Variants in RIF1 observed in about 807,000 individuals in gnomAD.
RIF1 encodes telomere-associated protein RIF1.
A neutral mutation model predicts 247.1 loss-of-function variants in RIF1; 45 were observed. The ratio of observed to expected loss-of-function variants is 0.18; its 90% CI spans 0.14 to 0.23. The LOEUF (loss-of-function observed/expected upper bound fraction) is 0.23, where lower values mean the gene tolerates loss of function less well. Ranked by LOEUF, RIF1 falls within the 10% of genes least tolerant of loss-of-function variation. The pLI, the probability that RIF1 is intolerant of heterozygous loss-of-function variation, is 1.00. For missense variants in RIF1, 2,967 were observed against 2,862.5 expected, an observed-to-expected ratio of 1.04 and a Z score of -0.83; for synonymous variants, 1,087 against 978.8, an observed-to-expected ratio of 1.11 and a Z score of -2.06.
At chr2:151,508,802 T>G (rs1041578516), downstream of RIF1, among the ~76,000 whole-genome samples, 2 of 152,268 alleles carry the variant, frequency 1.3e-5, no homozygotes, top group Non-Finnish European at 2.9e-5. Context: ...TCCCCTGTCC[T>G]GCCCCAGCCT....
chr2:151,445,419 AT>A lies in RIF1; in HGVS notation c.2074del (p.Ser692GlnfsTer10). 1.3e-6 allele frequency: 2 copies of A among 1,592,218 alleles called. No individual in the cohort carries two copies. Among genetic ancestry groups the A allele is most frequent in the Non-Finnish European group, 1.7e-6 (2 of 1,160,116 alleles). ...YGALTLPVNH[I>X]FSEQRFPVAT... ...TGCATTGACTTTACCAGTAAACCAC[AT>A]TTTTTCAGAACAGAGATTTCCAGTG... On this transcript the variant is annotated frameshift_variant, in exon 19 of 36. Coordinates refer to ENST00000444746, the MANE Select transcript of RIF1 (RefSeq NM_018151.5). LOFTEE classifies it high-confidence loss of function.
At chr2:151,429,992 G>A (rs888211672) in intron 9 of RIF1, among the ~76,000 whole-genome samples, 2 of 150,564 alleles carry the variant, frequency 1.3e-5, no homozygotes, top group Non-Finnish European at 3.0e-5. Context: ...AATATGTTTT[G>A]TATTGTGATT....
At position 151,436,892 on chromosome 2, in the gene RIF1, A is replaced by G. The variant is rs1334331655; in HGVS notation, c.1261A>G (p.Met421Val). 9 of 1,613,804 alleles carry G rather than the reference A, an allele frequency of 5.6e-6. No homozygotes were observed. Among genetic ancestry groups the G allele is most frequent in the East Asian group, 2.2e-5 (1 of 44,846 alleles). The change falls in exon 12 of 36, where the codon ATG becomes GTG. Residue 421 changes from methionine (M) to valine (V), a missense_variant. Met to Val is a conservative substitution (Grantham distance 21). Transcript: ENST00000444746. ...RMNLSSNLGG[M>V]ATIPSIQLLG... is the part of the protein sequence containing the mutation. Reference sequence around the variant, plus strand: ...GAACCTGAGTTCGAATTTAGGTGGAATGGCCACAATCCCATCCATTCAACT... The same window carrying G: ...GAACCTGAGTTCGAATTTAGGTGGAGTGGCCACAATCCCATCCATTCAACT...
chr2:151,532,381 A>G, the RIF1 span, among the ~76,000 whole-genome samples: 1 of 152,350 alleles, frequency 6.6e-6, no homozygotes, highest in Non-Finnish European at 1.5e-5. Flanking sequence ...TTGAACATGT[A>G]CAATCTCCAA....
In RIF1 at chr2:151,463,652, G is replaced by A. The variant is rs1361930467; in HGVS notation, c.4132G>A (p.Val1378Ile). 1 of 1,613,710 alleles carries A rather than the reference G, an allele frequency of 6.2e-7. No individual in the cohort carries two copies. The highest frequency in any genetic ancestry group is 8.5e-7 in the Non-Finnish European group (1 of 1,179,910). Residue 1378 changes from valine to isoleucine, a missense_variant, in exon 30 of 36, where the codon GTA (valine) becomes ATA (isoleucine). Val to Ile is a conservative substitution (Grantham distance 29). Coordinates refer to ENST00000444746, the MANE Select transcript of RIF1 (RefSeq NM_018151.5). Reference protein sequence around the residue: ...LETNTVEEKNVEINLESKENT... With the variant: ...LETNTVEEKNIEINLESKENT... ...AACTAATACTGTAGAGGAGAAAAAT[G>A]TAGAAATTAATTTGGAATCCAAAGA...
chr2:151,433,046 C>T (rs1188433816), intron 9 of RIF1, 31 bp from the exon 10 acceptor site: 3 of 1,563,642 alleles, frequency 1.9e-6, no homozygotes, highest in Non-Finnish European at 2.6e-6. Context: ...GCTTGGACGT[C>T]TCTTTAACTG....
In RIF1 at chr2:151,465,437, A is replaced by G. The variant is rs1696750410; in HGVS notation, c.5917A>G (p.Ile1973Val). The G allele has an allele frequency of 1.9e-6, 3 of 1,613,894 alleles. No homozygotes were observed. Among genetic ancestry groups the G allele is most frequent in the Non-Finnish European group, 2.5e-6 (3 of 1,179,940 alleles). Residue 1973 changes from isoleucine to valine, a missense_variant, in exon 30 of 36, where the codon ATT becomes GTT. Physicochemically the swap from Ile to Val is conservative, Grantham distance 29. Transcript: ENST00000444746. ...EVATEEFNSD[I>V]SLSDNTTPVK... ...AGCAACTGAGGAATTTAATTCAGAT[A>G]TTAGTCTTTCTGATAATACTACACC...
downstream of RIF1, among the ~76,000 whole-genome samples, chr2:151,512,082 G>A (rs562431197): frequency 2.8e-5 from 4 of 143,328 alleles, no homozygotes; most frequent in African/African-American, 1.1e-4. Context: ...CCAGGCTGGA[G>A]TGCAGTGGCG....
chr2:151,417,999 G>A (rs952636865), intron 6 of RIF1, among the ~76,000 whole-genome samples: 1 of 152,056 alleles, frequency 6.6e-6, no homozygotes, highest in Non-Finnish European at 1.5e-5. Context: ...TGATAAAAAA[G>A]ATTAAAAAAT....
At chr2:151,519,570 G>T in the RIF1 span, 3 of 943,500 alleles carry the variant, frequency 3.2e-6, no homozygotes, top group Non-Finnish European at 5.0e-6. Flanking sequence ...TATTGTGAGT[G>T]TTATAAATGC....
chr2:151,463,818 A>G lies in RIF1; in HGVS notation c.4298A>G (p.Asp1433Gly), dbSNP rs146802065. 2.9e-5 allele frequency: 47 copies of G among 1,612,308 alleles called. No individual in the cohort carries two copies. The highest frequency in any genetic ancestry group is 1.2e-4 in the Admixed American group (7 of 59,556). The change falls in exon 30 of 36, where the codon GAT (aspartate) becomes GGT (glycine). Residue 1433 changes from aspartate to glycine, a missense_variant. Coordinates refer to ENST00000444746, the MANE Select transcript of RIF1 (RefSeq NM_018151.5). ...EVVESTTESQ[D>G]KENSHQKKER... ...GTAGAGTCTACCACTGAAAGCCAAG[A>G]TAAGGAAAATAGTCATCAAAAAAAG...
the RIF1 span, chr2:151,533,296 C>T: frequency 1.0e-5 from 6 of 599,292 alleles, no homozygotes; most frequent in Middle Eastern, 2.6e-4. Flanking sequence ...ATTCAGAGAT[C>T]ATTTACAAGG....
chr2:151,525,555 A>G, the RIF1 span, among the ~76,000 whole-genome samples: 1 of 152,232 alleles, frequency 6.6e-6, no homozygotes, highest in Non-Finnish European at 1.5e-5. Flanking sequence ...TGGGACTCAT[A>G]TAATACCAAG....
intron 20 of RIF1, among the ~76,000 whole-genome samples, chr2:151,450,100 C>A (rs1378592080): frequency 6.6e-6 from 1 of 152,106 alleles, no homozygotes; most frequent in African/African-American, 2.4e-5. Context: ...CCTTGGCCTC[C>A]CAAAGTGCTG....
intron 9 of RIF1, chr2:151,491,709 T>C (rs762390355): frequency 6.3e-7 from 1 of 1,597,766 alleles, no homozygotes; most frequent in East Asian, 2.3e-5. Context: ...GCTTCGGGAC[T>C]GGATGTTGTC....
In RIF1 at chr2:151,410,398, C is replaced by G. The variant is rs773868197; in HGVS notation, c.-10-16C>G. 3 of 1,603,378 alleles carry G rather than the reference C, an allele frequency of 1.9e-6. No homozygotes were observed. Among genetic ancestry groups the G allele is most frequent in the Admixed American group, 3.4e-5 (2 of 59,160 alleles). Reference sequence around the variant, plus strand: ...ATCGGTCACTGGATTTTCTCCTCTTCCGGTTCGGGCCTCAGGGTGGCCGAC... The same window carrying G: ...ATCGGTCACTGGATTTTCTCCTCTTGCGGTTCGGGCCTCAGGGTGGCCGAC... On this transcript the variant is annotated splice_polypyrimidine_tract_variant and intron_variant, in intron 1 of 35. Transcript: ENST00000444746.
chr2:151,446,302 A>AGT, intron 19 of RIF1, 124 bp from the exon 20 acceptor site: 2 of 855,404 alleles, frequency 2.3e-6, no homozygotes, highest in Non-Finnish European at 1.8e-6. Context: ...CCCGGCCGTT[A>AGT]GTGTCTTTTT....
intron 14 of RIF1, 40 bp downstream of exon 14, chr2:151,438,786 C>T (rs1691720985): frequency 2.4e-6 from 3 of 1,255,434 alleles, no homozygotes. Flanking sequence ...TTTTTTGAAA[C>T]AGGTGGTGAT....
At chr2:151,410,654 T>G in intron 2 of RIF1, 127 bp downstream of exon 2, 1 of 758,746 alleles carries the variant, frequency 1.3e-6, no homozygotes, top group Middle Eastern at 2.4e-4. Context: ...GACGCCCGAG[T>G]CGCGGACGCC....
Sources: allele counts gnomAD v4.1 joint callset (sites outside exome capture counted in the v4.1 genomes callset), GRCh38; gene constraint gnomAD v4.1.1; transcripts MANE v1.5; gene names NCBI Gene and HGNC (gene_info 2026-07-23, HGNC 2026-07-21).